MED13L: variants seen among roughly 807,000 people sequenced by gnomAD.
MED13L encodes mediator complex subunit 13L, also known as mediator of RNA polymerase II transcription subunit 13-like.
Under a neutral mutation model 220.9 loss-of-function variants are expected in MED13L, and 7 were observed. The ratio of observed to expected loss-of-function variants is 0.03; its 90% CI spans 0.02 to 0.06. The LOEUF (loss-of-function observed/expected upper bound fraction) is 0.06. MED13L is among the 10% of genes least tolerant of loss of function. The pLI is 1.00. For synonymous variants in MED13L, 1,011 were observed against 1,015.2 expected (o/e 1.00, Z 0.08); for missense variants, 1,965 against 2,760.5 (o/e 0.71, Z 6.46).
Position 116,145,697 on chromosome 12 carries a change from A to ATTTATTTGTTTG in MED13L, c.311-34186_311-34185insCAAACAAATAAA, listed in dbSNP as rs34084324. Among the ~76,000 whole-genome samples the ATTTATTTGTTTG allele has an allele frequency of 2.9e-3, 423 of 146,956 alleles. 2 individuals carry two copies. Among genetic ancestry groups the ATTTATTTGTTTG allele is most frequent in the African/African-American group, 8.7e-3 (339 of 39,130 alleles). On this transcript the variant is annotated intron_variant, in intron 2 of 30. Transcript: ENST00000281928. The stretch of plus-strand genomic sequence containing the variant: ...TATTTATTTATTTATTTATTTATTT[A>ATTTATTTGTTTG]TTTATTTTAAATTTTTGTAGAGTCT...
At chr12:115,998,844 G>A (rs1350240769) in intron 14 of MED13L, among the ~76,000 whole-genome samples, 2 of 151,798 alleles carry the variant, frequency 1.3e-5, no homozygotes, top group Non-Finnish European at 2.9e-5. Flanking sequence ...TCTATAATAG[G>A]AATCTGTATC....
At chr12:116,043,128 A>G (rs1368379215) in intron 4 of MED13L, among the ~76,000 whole-genome samples, 1 of 152,210 alleles carries the variant, frequency 6.6e-6, no homozygotes, top group African/African-American at 2.4e-5. Flanking sequence ...GAAGAACTGT[A>G]CCACCTTAAA....
At chr12:116,155,545 C>T (rs1381441851) in intron 2 of MED13L, among the ~76,000 whole-genome samples, 1 of 152,162 alleles carries the variant, frequency 6.6e-6, no homozygotes, top group Non-Finnish European at 1.5e-5. Context: ...AGTTCGGCCA[C>T]ACAATAGGTA....
At chr12:116,264,759 CA>C (rs1362704404) in intron 1 of MED13L, among the ~76,000 whole-genome samples, 1 of 152,162 alleles carries the variant, frequency 6.6e-6, no homozygotes, top group African/African-American at 2.4e-5. Flanking sequence ...TCAACAAACA[CA>C]AATCTACCTT....
At chr12:116,124,179 AGAGAGAGAC>A (rs1488737324) in intron 2 of MED13L, among the ~76,000 whole-genome samples, 1 of 151,950 alleles carries the variant, frequency 6.6e-6, no homozygotes, top group Non-Finnish European at 1.5e-5. Context: ...AGAGAGAGAC[AGAGAGAGAC>A]AGAGACTGAC....
intron 2 of MED13L, among the ~76,000 whole-genome samples, chr12:116,185,429 A>T (rs1211819419): frequency 6.6e-6 from 1 of 152,068 alleles, no homozygotes; most frequent in Non-Finnish European, 1.5e-5. Flanking sequence ...ACAAAATTTT[A>T]CAAGACTCTA....
chr12:116,072,925 T>C (rs1316095198), intron 4 of MED13L, among the ~76,000 whole-genome samples: 1 of 152,192 alleles, frequency 6.6e-6, no homozygotes, highest in Non-Finnish European at 1.5e-5. Flanking sequence ...AAAAATAGCA[T>C]TGATTCATTT....
intron 4 of MED13L, among the ~76,000 whole-genome samples, chr12:116,060,036 C>A (rs1023416821): frequency 6.6e-6 from 1 of 152,066 alleles, no homozygotes; most frequent in Non-Finnish European, 1.5e-5. Flanking sequence ...GGCAAAAAAA[C>A]CCTCTAATAC....
chr12:116,125,515 T>C (rs1443239718), intron 2 of MED13L, among the ~76,000 whole-genome samples: 2 of 152,222 alleles, frequency 1.3e-5, no homozygotes, highest in East Asian at 3.8e-4. Context: ...AAACACAGTG[T>C]ATTTTGAAGA....
At chr12:116,218,326 TC>T (rs1883120627) in intron 2 of MED13L, among the ~76,000 whole-genome samples, 1 of 152,174 alleles carries the variant, frequency 6.6e-6, no homozygotes, top group African/African-American at 2.4e-5. Context: ...TACTGCCCAC[TC>T]CTTCTAAATA....
intron 2 of MED13L, among the ~76,000 whole-genome samples, chr12:116,228,557 T>C (rs1415098394): frequency 6.6e-6 from 1 of 152,162 alleles, no homozygotes; most frequent in African/African-American, 2.4e-5. Flanking sequence ...CTAAGATCCA[T>C]TCCCCACTTC....
intron 2 of MED13L, among the ~76,000 whole-genome samples, chr12:116,147,746 C>T (rs1354224554): frequency 6.6e-6 from 1 of 152,100 alleles, no homozygotes; most frequent in Non-Finnish European, 1.5e-5. Flanking sequence ...CTTTTTACAA[C>T]ATTCATCCTT....
chr12:116,069,087 T>TC (rs1296585807), intron 4 of MED13L, among the ~76,000 whole-genome samples: 1 of 151,806 alleles, frequency 6.6e-6, no homozygotes, highest in Non-Finnish European at 1.5e-5. Flanking sequence ...GGACATCTTC[T>TC]CCCCCACAAC....
intron 4 of MED13L, among the ~76,000 whole-genome samples, chr12:116,058,681 A>G (rs966187047): frequency 6.6e-6 from 1 of 152,218 alleles, no homozygotes; most frequent in Non-Finnish European, 1.5e-5. Flanking sequence ...GTGTTCCCAG[A>G]AAGAGAATAC....
At chr12:115,983,694 T>C (rs1397176124) in intron 20 of MED13L, among the ~76,000 whole-genome samples, 154 bp from the exon 21 acceptor site, 3 of 152,242 alleles carry the variant, frequency 2.0e-5, no homozygotes, top group Admixed American at 6.5e-5. Flanking sequence ...GTCATGCTTA[T>C]GTATTCTGCA....
chr12:116,073,727 T>G (rs760150303), intron 4 of MED13L, among the ~76,000 whole-genome samples: 82 of 152,216 alleles, frequency 5.4e-4, no homozygotes, highest in Non-Finnish European at 9.8e-4. Context: ...TTTCCAAACA[T>G]ATGTCAGTAA....
chr12:116,151,309 T>C (rs1878021146), intron 2 of MED13L, among the ~76,000 whole-genome samples: 1 of 152,204 alleles, frequency 6.6e-6, no homozygotes, highest in Non-Finnish European at 1.5e-5. Flanking sequence ...CTTAAGTTAC[T>C]ATAGAAATGT....
chr12:116,158,281 G>T (rs140606117), intron 2 of MED13L, among the ~76,000 whole-genome samples: 3 of 152,264 alleles, frequency 2.0e-5, no homozygotes, highest in Non-Finnish European at 4.4e-5. Flanking sequence ...GAAGGGAAGA[G>T]GGGATGGGAT....
rs1241390474 is a variant in MED13L, at chr12:116,003,100, A to G, written c.2472T>C (p.Ala824=). ...FDNSDDDELG[A]VSPALRSSKM... is the part of the protein sequence containing the mutation. ...TTGATGAGCGCAGAGCAGGTGATACAGCCTAAGAACAGACGGTGTTATTAA... is the reference window on the plus strand; with the variant it reads ...TTGATGAGCGCAGAGCAGGTGATACGGCCTAAGAACAGACGGTGTTATTAA... Residue 824 remains alanine (A), a splice_region_variant and synonymous_variant, in exon 14 of 31, where the codon GCT becomes GCC. Transcript: ENST00000281928. 1.9e-6 allele frequency: 3 copies of G among 1,613,678 alleles called. No individual in the cohort carries two copies. Among genetic ancestry groups the G allele is most frequent in the Non-Finnish European group, 2.5e-6 (3 of 1,179,564 alleles).
Sources: allele counts gnomAD v4.1 joint callset (sites outside exome capture counted in the v4.1 genomes callset), GRCh38; gene constraint gnomAD v4.1.1; transcripts MANE v1.5; gene names NCBI Gene and HGNC (gene_info 2026-07-23, HGNC 2026-07-21).